The following SNX14 variants were observed in gnomAD, a reference collection of about 807,000 sequenced individuals.
The protein encoded by SNX14 is sorting nexin-14.
Under a neutral mutation model 133.8 loss-of-function variants are expected in SNX14, and 93 were observed. The observed-to-expected ratio is 0.70, with a 90% CI of 0.59 to 0.83. The LOEUF (loss-of-function observed/expected upper bound fraction) is 0.83, where lower values mean the gene tolerates loss of function less well. SNX14 is among the 40% of genes least tolerant of loss of function. SNX14 has a pLI of 0.00. For synonymous variants in SNX14, 368 were observed against 365.6 expected (o/e 1.01, Z -0.07); for missense variants, 945 against 1,094.9 (o/e 0.86, Z 1.93).
At chr6:85,570,973 C>G (rs1214301307) in intron 4 of SNX14, among the ~76,000 whole-genome samples, 1 of 152,160 alleles carries the variant, frequency 6.6e-6, no homozygotes, top group Non-Finnish European at 1.5e-5. Flanking sequence ...TGGACTAGCA[C>G]ATTTCAAGTG....
chr6:85,554,981 C>T (rs548681868), intron 7 of SNX14, among the ~76,000 whole-genome samples: 2 of 151,996 alleles, frequency 1.3e-5, no homozygotes, highest in Admixed American at 6.6e-5. Flanking sequence ...CCACCACACT[C>T]GGCTAATTTT....
Position 85,530,253 on chromosome 6 carries a change from C to A in SNX14, c.1833G>T (p.Trp611Cys). The change falls in exon 19 of 29, where the codon TGG becomes TGT. Residue 611 changes from tryptophan to cysteine, a missense_variant. Trp to Cys is a radical substitution (Grantham distance 215). Around this residue, in one of 3 missense-constraint regions of SNX14, gnomAD observed 412 missense variants for 516.6 expected, o/e 0.80. Coordinates refer to ENST00000314673, the MANE Select transcript of SNX14 (RefSeq NM_153816.6). The part of the protein sequence containing the change: ...RRAVGHEPEH[W>C]SVYRRYLEFY... ...ATTCAAGATATCTTCTATAGACAGA[C>A]CAATGTTCAGGCTCGTGTCCAACTG... 1.2e-6 allele frequency: 2 copies of A among 1,601,278 alleles called. No homozygotes were observed. The highest frequency in any genetic ancestry group is 2.3e-5 in the East Asian group (1 of 44,080).
chr6:85,558,034 C>A lies in SNX14; in HGVS notation c.576G>T (p.Lys192Asn). The change falls in exon 7 of 29, where the codon AAG becomes AAT. Residue 192 changes from lysine (K) to asparagine (N), a missense_variant. Lys to Asn is a moderately conservative substitution (Grantham distance 94). Transcript: ENST00000314673. The part of the protein sequence containing the change: ...HKVDIPSIIT[K>N]KLLKAAMKHI... ...GCTTCATTGCTGCTTTTAATAGTTT[C>A]TTGGTTATAATAGATGGAATATCCA... 1 of 1,584,714 alleles carries A rather than the reference C, an allele frequency of 6.3e-7. No homozygotes were observed. The highest frequency in any genetic ancestry group is 1.3e-5 in the African/African-American group (1 of 74,226).
intron 9 of SNX14, 116 bp from the exon 10 acceptor site, chr6:85,547,666 G>A (rs942606495): frequency 4.4e-5 from 39 of 881,760 alleles, no homozygotes; most frequent in Non-Finnish European, 5.4e-5. Context: ...AATAAATGGA[G>A]CAGTAGCAAA....
chr6:85,509,296 G>C (rs1010720742), intron 26 of SNX14, among the ~76,000 whole-genome samples: 4 of 152,084 alleles, frequency 2.6e-5, no homozygotes, highest in Non-Finnish European at 2.9e-5. Context: ...TGAGACTGTT[G>C]AAAGTATGAA....
chr6:85,592,671 G>A (rs560441273), intron 1 of SNX14, among the ~76,000 whole-genome samples: 2 of 152,036 alleles, frequency 1.3e-5, no homozygotes, highest in Non-Finnish European at 2.9e-5. Flanking sequence ...TTTGGGGAGG[G>A]TGGCATCAAG....
intron 20 of SNX14, 66 bp downstream of exon 20, chr6:85,528,190 CAAGAGA>C: frequency 3.8e-6 from 4 of 1,039,536 alleles, no homozygotes; most frequent in Non-Finnish European, 5.7e-6. Context: ...AACATATACA[CAAGAGA>C]AAAAGAGACA....
intron 28 of SNX14, among the ~76,000 whole-genome samples, chr6:85,506,869 C>T (rs1770892657): frequency 6.6e-6 from 1 of 152,142 alleles, no homozygotes; most frequent in African/African-American, 2.4e-5. Flanking sequence ...ATAAAACTTG[C>T]TTCAAAAATA....
intron 17 of SNX14, among the ~76,000 whole-genome samples, chr6:85,535,953 C>A (rs1413702344): frequency 1.3e-5 from 2 of 152,120 alleles, no homozygotes; most frequent in Non-Finnish European, 2.9e-5. Context: ...CATTAAAAGG[C>A]AAAATGAGAA....
intron 2 of SNX14, 101 bp downstream of exon 2, chr6:85,574,157 T>C (rs539401263): frequency 9.8e-7 from 1 of 1,024,590 alleles, no homozygotes; most frequent in Admixed American, 3.1e-5. Context: ...GAAAACAAAT[T>C]TTGTAAATTA....
chr6:85,559,261 A>G (rs914022983), intron 6 of SNX14, among the ~76,000 whole-genome samples: 5 of 152,190 alleles, frequency 3.3e-5, no homozygotes, highest in African/African-American at 1.2e-4. Context: ...TGAAAATAAC[A>G]TCACTCTTCA....
chr6:85,529,550 T>C (rs1206058428), intron 19 of SNX14, among the ~76,000 whole-genome samples: 1 of 152,174 alleles, frequency 6.6e-6, no homozygotes, highest in Non-Finnish European at 1.5e-5. Flanking sequence ...ACGAGGATGG[T>C]ACTGCACCAG....
intron 17 of SNX14, among the ~76,000 whole-genome samples, chr6:85,535,025 ATAC>A (rs1345302757): frequency 8.1e-6 from 1 of 123,636 alleles, no homozygotes; most frequent in Non-Finnish European, 1.7e-5. Flanking sequence ...TCTTCTATCC[ATAC>A]TTTTTTTTTT....
chr6:85,555,010 CAG>C (rs1789182302), intron 7 of SNX14, among the ~76,000 whole-genome samples: 1 of 151,944 alleles, frequency 6.6e-6, no homozygotes, highest in Non-Finnish European at 1.5e-5. Flanking sequence ...TTTGTAGAGA[CAG>C]GGTATCACTA....
chr6:85,536,997 T>TC, intron 16 of SNX14, 73 bp from the exon 17 acceptor site: 1 of 1,343,870 alleles, frequency 7.4e-7, no homozygotes, highest in Non-Finnish European at 9.6e-7. Context: ...AAAACCATTA[T>TC]TAAAAAAAAG....
At chr6:85,571,444 A>G (rs1038627175) in intron 4 of SNX14, among the ~76,000 whole-genome samples, 1 of 152,180 alleles carries the variant, frequency 6.6e-6, no homozygotes, top group Non-Finnish European at 1.5e-5. Flanking sequence ...AAAATGGGAT[A>G]AAGAACAATT....
rs377092960 is a variant in SNX14 at position 85,593,565 on chromosome 6, C to A, written c.140+14G>T. On this transcript the variant is annotated intron_variant, in intron 1 of 28. Transcript: ENST00000314673. ...GAGAAAAGCCGCCGCCCAGGCTCCG[C>A]GCTGCGGCGTTACCTGTTAAGAAGC... is the stretch of plus-strand genomic sequence containing the variant. 5.2e-5 allele frequency: 83 copies of A among 1,603,328 alleles called. No individual in the cohort carries two copies. The African/African-American group carries it at 8.7e-4, about 17-fold the overall frequency.
chr6:85,584,729 C>T (rs1390760321), intron 1 of SNX14, among the ~76,000 whole-genome samples: 3 of 152,148 alleles, frequency 2.0e-5, no homozygotes, highest in East Asian at 1.9e-4. Flanking sequence ...GAATGGTGAT[C>T]ATTAAAAAGT....
intron 1 of SNX14, among the ~76,000 whole-genome samples, chr6:85,586,613 C>A (rs78393871): frequency 7.2e-5 from 11 of 151,998 alleles, no homozygotes; most frequent in African/African-American, 2.7e-4. Context: ...CATGGTCTTG[C>A]ACTGTCACCC....
Sources: gnomAD v4.1 joint callset for allele counts (sites outside exome capture counted in the v4.1 genomes callset) on GRCh38, gnomAD v4.1.1 for gene constraint, gnomAD v4.1.1 regional missense constraint, MANE v1.5 for transcripts, NCBI Gene and HGNC (gene_info 2026-07-23, HGNC 2026-07-21) for gene names.